TRAF3: variants seen among roughly 807,000 people sequenced by gnomAD.
The protein encoded by TRAF3 is TNF receptor associated factor 3, also known as TNF receptor-associated factor 3.
Under a neutral mutation model 62.3 loss-of-function variants are expected in TRAF3, and 13 were observed. That is an observed-to-expected ratio of 0.21 (90% confidence interval 0.14 to 0.33). TRAF3 has a LOEUF of 0.33. TRAF3 is among the 10% of genes least tolerant of loss of function. The probability of loss-of-function intolerance (pLI) is 1.00; values close to 1 mark genes in which losing one functional copy is unlikely to be tolerated. For missense variants in TRAF3, 440 were observed against 741.8 expected (o/e 0.59, Z 4.73); for synonymous variants, 269 against 283.4 (o/e 0.95, Z 0.51).
chr14:102,871,300 T>A (rs543588978), intron 3 of TRAF3, among the ~76,000 whole-genome samples: 1 of 152,346 alleles, frequency 6.6e-6, no homozygotes, highest in South Asian at 2.1e-4. Context: ...CAGCTAACCT[T>A]TGCCCACTTG....
intron 2 of TRAF3, among the ~76,000 whole-genome samples, chr14:102,843,929 A>G (rs898476584): frequency 3.3e-5 from 5 of 152,256 alleles, no homozygotes; most frequent in Admixed American, 1.3e-4. Context: ...GATTCAGTAG[A>G]CTGTTAAGAT....
intron 2 of TRAF3, among the ~76,000 whole-genome samples, chr14:102,836,144 C>T (rs1040916572): frequency 2.0e-5 from 3 of 152,282 alleles, no homozygotes; most frequent in South Asian, 2.1e-4. Context: ...GAGCCAGTGC[C>T]GTGTGCAAGG....
chr14:102,791,624 C>T (rs983764558), intron 1 of TRAF3, among the ~76,000 whole-genome samples: 3 of 152,124 alleles, frequency 2.0e-5, no homozygotes, highest in South Asian at 2.1e-4. Context: ...ATGTCACCTG[C>T]ATATATAATT....
intron 6 of TRAF3, among the ~76,000 whole-genome samples, chr14:102,881,617 T>C (rs937786153): frequency 4.6e-5 from 7 of 152,122 alleles, no homozygotes; most frequent in African/African-American, 1.4e-4. Flanking sequence ...TCAGGAAGAA[T>C]AGCTAATGGA....
At chr14:102,802,509 A>C (rs1364722735) in intron 1 of TRAF3, among the ~76,000 whole-genome samples, 1 of 147,008 alleles carries the variant, frequency 6.8e-6, no homozygotes, top group Non-Finnish European at 1.5e-5. Flanking sequence ...AGGTGGCTGT[A>C]TTAGTCCAAT....
chr14:102,837,434 C>T (rs150857912), intron 2 of TRAF3, among the ~76,000 whole-genome samples: 1,743 of 152,132 alleles, frequency 0.011, 19 homozygotes, highest in Non-Finnish European at 0.018. Flanking sequence ...TGTGAGCCAC[C>T]GTGCCTGGCC....
intron 2 of TRAF3, among the ~76,000 whole-genome samples, chr14:102,857,787 A>G (rs943748767): frequency 3.9e-5 from 6 of 152,372 alleles, no homozygotes; most frequent in South Asian, 2.1e-4. Context: ...TGGTAAAACA[A>G]CTAGTTTCTC....
chr14:102,857,913 A>G (rs1451723269), intron 2 of TRAF3, among the ~76,000 whole-genome samples: 1 of 152,254 alleles, frequency 6.6e-6, no homozygotes, highest in African/African-American at 2.4e-5. Flanking sequence ...GCAGGTAGAG[A>G]AAAACAAATA....
Position 102,903,489 on chromosome 14 carries a change from G to C in TRAF3, c.1135+60G>C. Reference sequence around the variant, plus strand: ...CATCTGGGCCCCGGGCGAGTGCTGGGGCGGGGTCCGTGGGATGAGGGCTAT... The same window carrying C: ...CATCTGGGCCCCGGGCGAGTGCTGGCGCGGGGTCCGTGGGATGAGGGCTAT... On this transcript the variant is annotated intron_variant, in intron 11 of 11. Coordinates refer to ENST00000392745, the MANE Select transcript of TRAF3 (RefSeq NM_145725.3). The surrounding 1 kb of genome is among the most constrained non-coding windows in gnomAD (Gnocchi z 6.4). The C allele has an allele frequency of 6.2e-7, 1 of 1,609,980 alleles. No individual in the cohort carries two copies. Among genetic ancestry groups the C allele is most frequent in the Admixed American group, 1.7e-5 (1 of 59,622 alleles).
rs117782617 is a variant in TRAF3 at position 102,876,135 on chromosome 14, G to C, written c.403-223G>C. Among the ~76,000 whole-genome samples, 456 of 152,280 alleles carry C rather than the reference G, an allele frequency of 3.0e-3. 3 individuals carry two copies. The highest frequency in any genetic ancestry group is 4.9e-3 in the Non-Finnish European group (332 of 68,032). On this transcript the variant is annotated intron_variant, in intron 5 of 11. Coordinates refer to ENST00000392745, the MANE Select transcript of TRAF3 (RefSeq NM_145725.3). ...CAGATATTCATTTATCCTGGAAGCAGAGTTGACTTAATTCTTCAACAACAA... is the reference window on the plus strand; with the variant it reads ...CAGATATTCATTTATCCTGGAAGCACAGTTGACTTAATTCTTCAACAACAA...
At chr14:102,810,225 G>T (rs79464946) in intron 1 of TRAF3, among the ~76,000 whole-genome samples, 3,393 of 152,194 alleles carry the variant, frequency 0.022, 145 homozygotes, top group African/African-American at 0.078. Flanking sequence ...ACAAGATAAA[G>T]AATTTTGATC....
chr14:102,870,463 G>A lies in TRAF3; in HGVS notation c.245+17G>A, dbSNP rs779721971. On this transcript the variant is annotated intron_variant, in intron 3 of 11. Transcript: ENST00000392745. ...CCTGCTGAGGTAGGCGCCCTCGCCC[G>A]GCCCGTCGCCCGGCCCCTTCTCAGC... The A allele has an allele frequency of 8.1e-6, 13 of 1,608,158 alleles. No individual in the cohort carries two copies. Among genetic ancestry groups the A allele is most frequent in the East Asian group, 4.5e-5 (2 of 44,880 alleles).
At chr14:102,843,862 A>T (rs1177151663) in intron 2 of TRAF3, among the ~76,000 whole-genome samples, 1 of 152,220 alleles carries the variant, frequency 6.6e-6, no homozygotes, top group Non-Finnish European at 1.5e-5. Flanking sequence ...GAAACTGATA[A>T]GGAAGAAAAA....
intron 9 of TRAF3, among the ~76,000 whole-genome samples, chr14:102,892,624 G>A (rs1395447225): frequency 6.6e-6 from 1 of 152,246 alleles, no homozygotes; most frequent in Non-Finnish European, 1.5e-5. Context: ...GGATACTATG[G>A]TGAATTAGAA....
intron 1 of TRAF3, among the ~76,000 whole-genome samples, chr14:102,778,818 A>G (rs1186970103): frequency 1.3e-5 from 2 of 152,172 alleles, no homozygotes; most frequent in African/African-American, 2.4e-5. Context: ...ACTGTAGGGA[A>G]TGGCCAAGTG....
intron 9 of TRAF3, among the ~76,000 whole-genome samples, chr14:102,894,196 G>A (rs974798959): frequency 6.6e-6 from 1 of 152,086 alleles, no homozygotes; most frequent in Admixed American, 6.6e-5. Context: ...GAGTGGTGGT[G>A]TGCGCCTGTG....
At chr14:102,899,232 A>G (rs28371919) in intron 10 of TRAF3, among the ~76,000 whole-genome samples, 6,140 of 152,260 alleles carry the variant, frequency 0.04, 407 homozygotes, top group African/African-American at 0.14. Context: ...GTCTTTGGCC[A>G]GGAGGATTCT....
At chr14:102,881,630 C>T (rs1317980137) in intron 6 of TRAF3, among the ~76,000 whole-genome samples, 5 of 152,038 alleles carry the variant, frequency 3.3e-5, no homozygotes, top group East Asian at 3.9e-4. Context: ...CTAATGGATG[C>T]GGGGCTTAAT....
intron 9 of TRAF3, among the ~76,000 whole-genome samples, chr14:102,894,153 C>A (rs894916163): frequency 1.3e-5 from 2 of 152,036 alleles, no homozygotes; most frequent in African/African-American, 4.8e-5. Flanking sequence ...ACGGTGAAAC[C>A]CCGTCTCTAC....
Sources: gnomAD v4.1 joint callset for allele counts (sites outside exome capture counted in the v4.1 genomes callset) on GRCh38, gnomAD v4.1.1 for gene constraint, Gnocchi (gnomAD v3.1) non-coding constraint, MANE v1.5 for transcripts, NCBI Gene and HGNC (gene_info 2026-07-23, HGNC 2026-07-21) for gene names.